The following CTNND2 variants were observed in gnomAD, a reference collection of about 807,000 sequenced individuals.
CTNND2 encodes the protein catenin delta 2, also known as catenin delta-2.
In CTNND2, 22 loss-of-function variants were observed where a neutral mutation model predicts 144.4. That is an observed-to-expected ratio of 0.15 (90% CI 0.11 to 0.22). The LOEUF (loss-of-function observed/expected upper bound fraction) is 0.22. CTNND2 is among the 10% of genes least tolerant of loss of function. The probability of loss-of-function intolerance (pLI) is 1.00; values close to 1 mark genes in which losing one functional copy is unlikely to be tolerated. For missense variants in CTNND2, 1,353 were observed against 1,618.8 expected (o/e 0.84, Z 2.82); for synonymous variants, 751 against 695.6 (o/e 1.08, Z -1.25).
At chr5:11,131,438 C>T (rs756124124) in intron 12 of CTNND2, among the ~76,000 whole-genome samples, 2 of 152,062 alleles carry the variant, frequency 1.3e-5, no homozygotes, top group African/African-American at 4.8e-5. Context: ...AGACTGTGGG[C>T]GTTAAGATTT....
At chr5:11,294,263 C>T (rs1325763514) in intron 9 of CTNND2, among the ~76,000 whole-genome samples, 6 of 151,398 alleles carry the variant, frequency 4.0e-5, no homozygotes, top group Non-Finnish European at 7.4e-5. Context: ...AAATCTTGAT[C>T]CTCAAATGCA....
intron 1 of CTNND2, among the ~76,000 whole-genome samples, chr5:11,897,084 TCTTC>T (rs1737451656): frequency 6.6e-6 from 1 of 152,186 alleles, no homozygotes; most frequent in Non-Finnish European, 1.5e-5. Context: ...GGAGGATTCT[TCTTC>T]CTTATTTGGT....
chr5:11,166,936 A>C (rs941844415), intron 11 of CTNND2, among the ~76,000 whole-genome samples: 2 of 152,178 alleles, frequency 1.3e-5, no homozygotes, highest in African/African-American at 2.4e-5. Context: ...TCGATGTTAG[A>C]TAGAGTTTAC....
In CTNND2 at chr5:11,163,780, A is replaced by G. The variant is rs532812418; in HGVS notation, c.1976-4021T>C. Among the ~76,000 whole-genome samples, 9 of 152,348 alleles carry G rather than the reference A, an allele frequency of 5.9e-5. No homozygotes were observed. In the South Asian group the frequency reaches 1.0e-3, roughly 18 times the overall value. On this transcript the variant is annotated intron_variant, in intron 11 of 21. Coordinates refer to ENST00000304623, the MANE Select transcript of CTNND2 (RefSeq NM_001332.4). ...CCAGCTACACTTTGTAACTAAATTT[A>G]AAATGCATTTTAAGTGACAAGTATT...
intron 12 of CTNND2, among the ~76,000 whole-genome samples, chr5:11,127,902 T>C (rs949183332): frequency 1.3e-5 from 2 of 151,936 alleles, no homozygotes; most frequent in Non-Finnish European, 2.9e-5. Flanking sequence ...GGAATGAAAG[T>C]ATGTGGCATG....
At chr5:11,863,768 A>G (rs1795610417) in intron 1 of CTNND2, among the ~76,000 whole-genome samples, 1 of 152,218 alleles carries the variant, frequency 6.6e-6, no homozygotes, top group Admixed American at 6.5e-5. Flanking sequence ...TGGAAGCAAC[A>G]TATTTAACAC....
chr5:11,213,864 A>G (rs1738897150), intron 10 of CTNND2, among the ~76,000 whole-genome samples: 1 of 152,218 alleles, frequency 6.6e-6, no homozygotes, highest in Admixed American at 6.5e-5. Context: ...AACAATGTAA[A>G]CATATATGTC....
intron 2 of CTNND2, among the ~76,000 whole-genome samples, chr5:11,700,138 A>T (rs1239166553): frequency 6.6e-6 from 1 of 152,180 alleles, no homozygotes; most frequent in African/African-American, 2.4e-5. Flanking sequence ...CTGTAATCCC[A>T]GTGCTTTGGG....
At chr5:11,082,895 G>T in intron 15 of CTNND2, 49 bp from the exon 16 acceptor site, 2 of 1,598,510 alleles carry the variant, frequency 1.3e-6, no homozygotes, top group Non-Finnish European at 1.7e-6. Context: ...AAGAAACCCT[G>T]CATGCAAATA....
chr5:11,243,352 C>T (rs566143562), intron 9 of CTNND2, among the ~76,000 whole-genome samples: 1 of 152,154 alleles, frequency 6.6e-6, no homozygotes, highest in Admixed American at 6.5e-5. Context: ...TGTAGATGAA[C>T]ATCGAGTCCA....
chr5:11,097,124 A>G (rs1751432025), intron 15 of CTNND2, among the ~76,000 whole-genome samples: 3 of 152,232 alleles, frequency 2.0e-5, no homozygotes, highest in Admixed American at 1.3e-4. Context: ...ACACAGTGAT[A>G]TGCTGTAGTT....
intron 9 of CTNND2, among the ~76,000 whole-genome samples, chr5:11,301,312 C>T (rs1013697246): frequency 2.0e-5 from 3 of 152,078 alleles, no homozygotes; most frequent in Non-Finnish European, 4.4e-5. Flanking sequence ...CCACCGCGCC[C>T]GGCCCCCATC....
At chr5:11,198,448 C>T (rs1408991144) in intron 11 of CTNND2, among the ~76,000 whole-genome samples, 4 of 152,076 alleles carry the variant, frequency 2.6e-5, no homozygotes, top group Admixed American at 6.5e-5. Context: ...AGTCTTGACC[C>T]GGGACTGGAC....
At chr5:11,101,729 A>G (rs1196142163) in intron 14 of CTNND2, among the ~76,000 whole-genome samples, 1 of 152,230 alleles carries the variant, frequency 6.6e-6, no homozygotes. Flanking sequence ...AGAGCTTGAA[A>G]TATGCAAAGA....
At chr5:11,171,103 A>T (rs1172399859) in intron 11 of CTNND2, among the ~76,000 whole-genome samples, 1 of 152,194 alleles carries the variant, frequency 6.6e-6, no homozygotes, top group East Asian at 1.9e-4. Flanking sequence ...GAGCCAAACT[A>T]TATCAGATAC....
chr5:11,094,379 T>G (rs1361162580), intron 15 of CTNND2, among the ~76,000 whole-genome samples: 3 of 152,170 alleles, frequency 2.0e-5, no homozygotes, highest in Non-Finnish European at 4.4e-5. Flanking sequence ...CTTGCATTCT[T>G]ATATTCAGTT....
At chr5:11,863,906 G>A (rs1235446524) in intron 1 of CTNND2, among the ~76,000 whole-genome samples, 1 of 152,150 alleles carries the variant, frequency 6.6e-6, no homozygotes, top group Non-Finnish European at 1.5e-5. Context: ...ACTGAAATCA[G>A]CAGAAGTACA....
At position 11,803,141 on chromosome 5, in the gene CTNND2, G is replaced by A. The variant is rs373670924; in HGVS notation, c.38-70869C>T. Among the ~76,000 whole-genome samples, 22 of 152,184 alleles carry A rather than the reference G, an allele frequency of 1.4e-4. No individual in the cohort carries two copies. The East Asian group carries it at 3.3e-3, about 23-fold the overall frequency. ...TCAAGACCATCCTGGCTAACATGGTGAAACCCCGTCTCTACTAAAAATACA... is the reference window on the plus strand; with the variant it reads ...TCAAGACCATCCTGGCTAACATGGTAAAACCCCGTCTCTACTAAAAATACA... On this transcript the variant is annotated intron_variant, in intron 1 of 21. Coordinates refer to ENST00000304623, the MANE Select transcript of CTNND2 (RefSeq NM_001332.4).
chr5:11,303,018 A>G (rs984475945), intron 9 of CTNND2, among the ~76,000 whole-genome samples: 1 of 152,168 alleles, frequency 6.6e-6, no homozygotes, highest in Non-Finnish European at 1.5e-5. Flanking sequence ...TGTCTTAATC[A>G]GTCACTCCTC....
Sources: gnomAD v4.1 joint callset for allele counts (sites outside exome capture counted in the v4.1 genomes callset) on GRCh38, gnomAD v4.1.1 for gene constraint, MANE v1.5 for transcripts, NCBI Gene and HGNC (gene_info 2026-07-23, HGNC 2026-07-21) for gene names.